Variants in NDRG2 observed in about 807,000 individuals in gnomAD.
NDRG2 encodes NDRG family member 2.
In NDRG2, 34 loss-of-function variants were observed where a neutral mutation model predicts 58.2. That is an observed-to-expected ratio of 0.58 (90% CI 0.44 to 0.78). The LOEUF is 0.78. NDRG2 is among the 30% of genes least tolerant of loss of function. NDRG2 has a pLI of 0.00. For synonymous variants in NDRG2, 187 were observed against 175.9 expected (o/e 1.06, Z -0.50); for missense variants, 434 against 471.2 (o/e 0.92, Z 0.73).
At chr14:21,062,039 G>A (rs992143958) in intron 1 of NDRG2, among the ~76,000 whole-genome samples, 7 of 152,088 alleles carry the variant, frequency 4.6e-5, no homozygotes, top group Admixed American at 2.0e-4. Context: ...TCAAATAGTC[G>A]GTGAATACAA....
At chr14:21,069,044 G>A (rs1464799366) in intron 1 of NDRG2, among the ~76,000 whole-genome samples, 2 of 152,174 alleles carry the variant, frequency 1.3e-5, no homozygotes, top group African/African-American at 4.8e-5. Flanking sequence ...GGGCACACGC[G>A]TTCACGCCCC....
upstream of NDRG2, among the ~76,000 whole-genome samples, chr14:21,027,545 A>G (rs1883776373): frequency 6.6e-6 from 1 of 152,190 alleles, no homozygotes; most frequent in South Asian, 2.1e-4. Flanking sequence ...GAGATTAGAG[A>G]TTTCCAACCC....
chr14:21,069,189 TC>T lies in NDRG2; in HGVS notation c.24+1638del, dbSNP rs1045079463. 6.6e-5 allele frequency among the ~76,000 whole-genome samples: 10 copies of T among 152,194 alleles called. No homozygotes were observed. The South Asian group carries it at 1.2e-3, about 19-fold the overall frequency. ...GGCATCTCCCCGCCGTGCCCGTGCC[TC>T]CCCCCGGGCTCCTGGGAGACCCCCC... On this transcript the variant is annotated intron_variant, in intron 1 of 14. Coordinates refer to the NDRG2 transcript ENST00000403829.
At chr14:21,021,728 C>T (rs1880485278) in intron 6 of NDRG2, 89 bp downstream of exon 6, 2 of 1,396,856 alleles carry the variant, frequency 1.4e-6, no homozygotes, top group African/African-American at 1.4e-5. Context: ...CTGAAACTGG[C>T]TCAGGAACCA....
At chr14:21,030,783 G>A (rs369192139), upstream of NDRG2, 5 of 1,609,662 alleles carry the variant, frequency 3.1e-6, no homozygotes, top group East Asian at 6.7e-5. Flanking sequence ...GGAGGTGGGG[G>A]TGAGAAGAAC....
chr14:21,018,829 T>G lies in NDRG2; in HGVS notation c.762-15A>C. 1 of 1,614,040 alleles carries G rather than the reference T, an allele frequency of 6.2e-7. No individual in the cohort carries two copies. The highest frequency in any genetic ancestry group is 2.2e-5 in the East Asian group (1 of 44,878). On this transcript the variant is annotated splice_polypyrimidine_tract_variant and intron_variant, in intron 11 of 15. Transcript: ENST00000556147. The stretch of plus-strand genomic sequence containing the variant: ...TCACAGGACACCTAAAGACACAGTG[T>G]TGGGGAGAAGGCAGTGAGCCCCTGG...
chr14:21,022,442 G>A lies in NDRG2; in HGVS notation c.173C>T (p.Pro58Leu), dbSNP rs141300570. Residue 58 changes from proline (P) to leucine (L), a missense_variant, in exon 4 of 16, where the codon CCC (proline) becomes CTC (leucine). Pro to Leu is a moderately conservative substitution (Grantham distance 98). Coordinates refer to ENST00000556147, the MANE Select transcript of NDRG2 (RefSeq NM_001320329.2). ...AAGGATCGCTGGGCGTTTGGGTTTG[G>A]GGGTGCCATAGACAGTGAAAGTGAC... Reference protein sequence around the residue: ...GSVTFTVYGTPKPKRPAILTY... With the variant: ...GSVTFTVYGTLKPKRPAILTY... 10 of 1,613,990 alleles carry A rather than the reference G, an allele frequency of 6.2e-6. No individual in the cohort carries two copies. Among genetic ancestry groups the A allele is most frequent in the Non-Finnish European group, 7.6e-6 (9 of 1,180,020 alleles).
At chr14:21,063,116 C>T (rs954203542) in intron 1 of NDRG2, among the ~76,000 whole-genome samples, 34 of 151,898 alleles carry the variant, frequency 2.2e-4, no homozygotes, top group Non-Finnish European at 3.7e-4. Flanking sequence ...GGCAACGGAG[C>T]GAGACCCTGT....
intron 1 of NDRG2, among the ~76,000 whole-genome samples, chr14:21,048,765 T>C (rs965806736): frequency 2.0e-5 from 3 of 152,204 alleles, no homozygotes; most frequent in Admixed American, 6.5e-5. Flanking sequence ...AAACCTGTGA[T>C]GAATGGAGCA....
chr14:21,030,711 A>T, upstream of NDRG2: 1 of 1,614,204 alleles, frequency 6.2e-7, no homozygotes, highest in Non-Finnish European at 8.5e-7. Flanking sequence ...GGATGGCAAG[A>T]CAGTCACCTC....
chr14:21,064,113 C>T (rs563236223), intron 1 of NDRG2, among the ~76,000 whole-genome samples: 28 of 152,278 alleles, frequency 1.8e-4, no homozygotes, highest in African/African-American at 6.7e-4. Flanking sequence ...TAAAATGGCT[C>T]CTACCATTTG....
intron 1 of NDRG2, among the ~76,000 whole-genome samples, chr14:21,069,892 C>A (rs2139184116): frequency 6.6e-6 from 1 of 152,342 alleles, no homozygotes; most frequent in South Asian, 2.1e-4. Context: ...AGGAAGACCC[C>A]AGTTCTGGGA....
chr14:21,020,969 C>G, intron 6 of NDRG2, 125 bp from the exon 7 acceptor site: 1 of 1,107,798 alleles, frequency 9.0e-7, no homozygotes, highest in Non-Finnish European at 1.3e-6. Context: ...AGACACGGAC[C>G]TTTCTTTGGA....
At chr14:21,058,478 A>C in intron 1 of NDRG2, 1 of 686,226 alleles carries the variant, frequency 1.5e-6, no homozygotes, top group East Asian at 2.7e-5. Flanking sequence ...CACACACTCA[A>C]CCTCACATAC....
At chr14:21,061,740 A>G (rs1266114403) in intron 1 of NDRG2, among the ~76,000 whole-genome samples, 1 of 152,254 alleles carries the variant, frequency 6.6e-6, no homozygotes. Context: ...TAGCGTTAAC[A>G]TGTTTGTATT....
chr14:21,030,897 G>A, intron 1 of NDRG2: 1 of 1,507,142 alleles, frequency 6.6e-7, no homozygotes. Context: ...TTGTCTTCGA[G>A]ACACTCACTG....
At chr14:21,053,664 C>T (rs926209122) in intron 1 of NDRG2, among the ~76,000 whole-genome samples, 3 of 151,914 alleles carry the variant, frequency 2.0e-5, no homozygotes, top group African/African-American at 4.8e-5. Context: ...ATTAGCCACA[C>T]GTGGTGGTGC....
rs763611479 is a variant in NDRG2, at chr14:21,022,944, C to T, written c.76-39G>A. On this transcript the variant is annotated intron_variant, in intron 2 of 15. Coordinates refer to ENST00000556147, the MANE Select transcript of NDRG2 (RefSeq NM_001320329.2). ...CACGGATTCACACAGAAACACATGA[C>T]CATGTGGCGTCCCAGATGGAGAGAC... 1.2e-5 allele frequency: 19 copies of T among 1,612,540 alleles called. No homozygotes were observed. The Admixed American group carries it at 3.2e-4, about 27-fold the overall frequency.
At chr14:21,035,136 C>T (rs1284779688) in intron 1 of NDRG2, among the ~76,000 whole-genome samples, 3 of 152,218 alleles carry the variant, frequency 2.0e-5, no homozygotes, top group Admixed American at 2.0e-4. Context: ...CACCAAAGTG[C>T]TGGGCTGAGA....
Sources: allele counts gnomAD v4.1 joint callset (sites outside exome capture counted in the v4.1 genomes callset), GRCh38; gene constraint gnomAD v4.1.1; transcripts MANE v1.5; gene names NCBI Gene and HGNC (gene_info 2026-07-23, HGNC 2026-07-21).